The following DPYSL3 variants were observed in gnomAD, a reference collection of about 807,000 sequenced individuals.
DPYSL3 encodes the protein dihydropyrimidinase-related protein 3.
A neutral mutation model predicts 66.1 loss-of-function variants in DPYSL3; 16 were observed. The observed-to-expected ratio is 0.24, with a 90% CI of 0.16 to 0.37. DPYSL3 has a LOEUF of 0.37. DPYSL3 is among the 10% of genes least tolerant of loss of function. The pLI is 1.00. For missense variants in DPYSL3, 738 were observed against 916.2 expected (o/e 0.81, Z 2.51); for synonymous variants, 338 against 345.1 (o/e 0.98, Z 0.23).
chr5:147,453,243 T>C (rs1443940954), intron 1 of DPYSL3, among the ~76,000 whole-genome samples: 1 of 152,192 alleles, frequency 6.6e-6, no homozygotes, highest in Non-Finnish European at 1.5e-5. Flanking sequence ...GCAGTGGTCC[T>C]GGGAGAGCCG....
intron 1 of DPYSL3, among the ~76,000 whole-genome samples, chr5:147,436,431 A>G (rs1339972980): frequency 2.6e-5 from 4 of 152,208 alleles, no homozygotes; most frequent in Admixed American, 6.5e-5. Context: ...CTGTATGTAA[A>G]TATGTTTATT....
intron 1 of DPYSL3, among the ~76,000 whole-genome samples, chr5:147,482,380 G>A (rs1235694693): frequency 1.3e-5 from 2 of 152,164 alleles, no homozygotes; most frequent in Non-Finnish European, 2.9e-5. Flanking sequence ...TCAAAAATCA[G>A]AAATTATGAC....
At chr5:147,405,889 C>A in intron 7 of DPYSL3, 159 bp from the exon 8 acceptor site, 3 of 851,246 alleles carry the variant, frequency 3.5e-6, no homozygotes, top group Non-Finnish European at 5.2e-6. Flanking sequence ...TCAGATCTAC[C>A]ACTTCCTAAC....
At chr5:147,422,775 G>A (rs751964282) in intron 2 of DPYSL3, among the ~76,000 whole-genome samples, 2 of 151,896 alleles carry the variant, frequency 1.3e-5, no homozygotes, top group Non-Finnish European at 2.9e-5. Context: ...AACACCGCAT[G>A]TTCACACTTA....
intron 6 of DPYSL3, among the ~76,000 whole-genome samples, chr5:147,411,634 A>G: frequency 6.6e-6 from 1 of 152,188 alleles, no homozygotes; most frequent in Non-Finnish European, 1.5e-5. Context: ...TTCCTGGCAC[A>G]CAGTAGTCAG....
In DPYSL3 at chr5:147,509,611, C is replaced by G. The variant is rs1273063127; in HGVS notation, c.248G>C (p.Gly83Ala). 6.5e-7 allele frequency: 1 copy of G among 1,535,588 alleles called. No individual in the cohort carries two copies. The highest frequency in any genetic ancestry group is 1.2e-5 in the South Asian group (1 of 83,998). The change falls in exon 1 of 14, where the codon GGG becomes GCG. Residue 83 changes from glycine (G) to alanine (A), a missense_variant. Physicochemically the swap from Gly to Ala is moderately conservative, Grantham distance 60. Coordinates refer to ENST00000343218, the MANE Select transcript of DPYSL3 (RefSeq NM_001197294.2). This position sits in a 1 kb window ranked among gnomAD's most constrained non-coding sequence, Gnocchi z 5.3. ...GCCTTGGCCCCTGCGCGGGGTGTCCCCCTCGATCCCGGGCCGACTCCCCGA... is the reference window on the plus strand; with the variant it reads ...GCCTTGGCCCCTGCGCGGGGTGTCCGCCTCGATCCCGGGCCGACTCCCCGA... Reference protein sequence around the residue: ...RGSGSRPGIEGDTPRRGQGRE... With the variant: ...RGSGSRPGIEADTPRRGQGRE...
At position 147,458,501 on chromosome 5, in the gene DPYSL3, A is replaced by G. The variant is rs1752885788; in HGVS notation, c.382-33538T>C. Among the ~76,000 whole-genome samples, 4 of 152,338 alleles carry G rather than the reference A, an allele frequency of 2.6e-5. No homozygotes were observed. The South Asian group carries it at 8.3e-4, about 32-fold the overall frequency. On this transcript the variant is annotated intron_variant, in intron 1 of 13. Transcript: ENST00000343218. The stretch of plus-strand genomic sequence containing the variant: ...GGGCTGCTCTGTTTATGGAGCAGCC[A>G]TTCTTTTGTTCCTTTACTTTCTTAA...
intron 9 of DPYSL3, 66 bp from the exon 10 acceptor site, chr5:147,400,899 T>A: frequency 6.4e-7 from 1 of 1,570,628 alleles, no homozygotes; most frequent in Admixed American, 1.8e-5. Flanking sequence ...GAGCTTAGAG[T>A]CTTGTGTTTA....
At chr5:147,422,362 A>G (rs1429287858) in intron 2 of DPYSL3, among the ~76,000 whole-genome samples, 2 of 152,212 alleles carry the variant, frequency 1.3e-5, no homozygotes, top group Non-Finnish European at 2.9e-5. Flanking sequence ...CAGATGCTGG[A>G]AAGGATTTGG....
At chr5:147,450,406 G>A (rs185445802) in intron 1 of DPYSL3, among the ~76,000 whole-genome samples, 14 of 152,100 alleles carry the variant, frequency 9.2e-5, no homozygotes, top group Non-Finnish European at 1.6e-4. Context: ...CCCATCGCGA[G>A]ACAGTGAAGA....
intron 1 of DPYSL3, among the ~76,000 whole-genome samples, chr5:147,474,475 T>A (rs1753129329): frequency 6.6e-6 from 1 of 152,076 alleles, no homozygotes; most frequent in African/African-American, 2.4e-5. Flanking sequence ...GAAAAGGATT[T>A]GGAAGCTGAC....
chr5:147,475,090 A>C (rs992252441), intron 1 of DPYSL3, among the ~76,000 whole-genome samples: 1 of 151,956 alleles, frequency 6.6e-6, no homozygotes, highest in Non-Finnish European at 1.5e-5. Flanking sequence ...TACCAGTTGC[A>C]CTCCTGGGCA....
intron 4 of DPYSL3, among the ~76,000 whole-genome samples, chr5:147,414,813 C>G (rs547610860): frequency 6.6e-6 from 1 of 152,118 alleles, no homozygotes; most frequent in Admixed American, 6.5e-5. Flanking sequence ...CCCTGCCATC[C>G]CAGGGCACAC....
intron 2 of DPYSL3, among the ~76,000 whole-genome samples, chr5:147,424,456 A>G (rs1305044397): frequency 6.6e-6 from 1 of 152,228 alleles, no homozygotes; most frequent in Non-Finnish European, 1.5e-5. Flanking sequence ...CATGAAATCT[A>G]TGTCCTATCT....
chr5:147,426,548 T>C (rs1752201917), intron 1 of DPYSL3, among the ~76,000 whole-genome samples: 1 of 152,128 alleles, frequency 6.6e-6, no homozygotes, highest in Non-Finnish European at 1.5e-5. Flanking sequence ...TATTTGACTA[T>C]GAGGATTAAG....
intron 8 of DPYSL3, among the ~76,000 whole-genome samples, chr5:147,403,860 A>T (rs887229972): frequency 3.3e-5 from 5 of 152,188 alleles, no homozygotes; most frequent in Non-Finnish European, 5.9e-5. Flanking sequence ...CCGGAGACAC[A>T]GCTGTACTAG....
At chr5:147,456,299 T>G (rs1408898222) in intron 1 of DPYSL3, among the ~76,000 whole-genome samples, 1 of 152,192 alleles carries the variant, frequency 6.6e-6, no homozygotes, top group Non-Finnish European at 1.5e-5. Flanking sequence ...CACAGTAGAA[T>G]GACTCTGAAT....
intron 1 of DPYSL3, among the ~76,000 whole-genome samples, chr5:147,470,845 C>CT: frequency 6.6e-6 from 1 of 152,178 alleles, no homozygotes; most frequent in Admixed American, 6.5e-5. Context: ...TTCCAGAAAG[C>CT]TTTTTCTGAC....
intron 1 of DPYSL3, 98 bp from the exon 2 acceptor site, chr5:147,425,061 T>A: frequency 1.2e-6 from 1 of 850,758 alleles, no homozygotes; most frequent in Non-Finnish European, 1.9e-6. Context: ...AGATGTCTAG[T>A]AGAAACACAT....
Sources: gnomAD v4.1 joint callset for allele counts (sites outside exome capture counted in the v4.1 genomes callset) on GRCh38, gnomAD v4.1.1 for gene constraint, Gnocchi (gnomAD v3.1) non-coding constraint, MANE v1.5 for transcripts, NCBI Gene and HGNC (gene_info 2026-07-23, HGNC 2026-07-21) for gene names.